Variants in FGGY observed in about 807,000 individuals in gnomAD.
FGGY encodes FGGY carbohydrate kinase domain-containing protein.
Under a neutral mutation model 71.3 loss-of-function variants are expected in FGGY, and 72 were observed. The observed-to-expected ratio is 1.01, with a 90% CI of 0.84 to 1.23. FGGY has a LOEUF of 1.23. FGGY is among the 50% of genes most tolerant of loss of function. The pLI is 0.00. For missense variants in FGGY, 668 were observed against 682.3 expected (o/e 0.98, Z 0.23); for synonymous variants, 251 against 250.3 (o/e 1.00, Z -0.02).
chr1:59,757,130 G>C (rs561725079), intron 14 of FGGY, among the ~76,000 whole-genome samples: 12 of 152,206 alleles, frequency 7.9e-5, no homozygotes, highest in African/African-American at 2.6e-4. Context: ...GTAGAGCTTT[G>C]TCGTGCTGTT....
intron 6 of FGGY, among the ~76,000 whole-genome samples, chr1:59,482,075 G>A (rs2093490879): frequency 6.6e-6 from 1 of 152,042 alleles, no homozygotes; most frequent in Non-Finnish European, 1.5e-5. Context: ...AGGAAGACAG[G>A]GTATCTAATA....
At chr1:59,625,651 C>A (rs560487243) in intron 9 of FGGY, among the ~76,000 whole-genome samples, 1 of 152,088 alleles carries the variant, frequency 6.6e-6, no homozygotes, top group Non-Finnish European at 1.5e-5. Flanking sequence ...GTGCTTTTAA[C>A]ACTCAGACCC....
chr1:59,348,491 G>A (rs957712161), intron 4 of FGGY, among the ~76,000 whole-genome samples: 2 of 152,178 alleles, frequency 1.3e-5, no homozygotes, highest in Non-Finnish European at 2.9e-5. Context: ...AGAGATGGAT[G>A]TGTGAGAAAG....
chr1:59,335,740 A>G (rs932742480), intron 2 of FGGY, among the ~76,000 whole-genome samples: 4 of 152,030 alleles, frequency 2.6e-5, no homozygotes, highest in African/African-American at 4.8e-5. Flanking sequence ...TTGTGATTTT[A>G]ATTTGCATTT....
At chr1:59,346,714 A>G (rs146087763) in intron 4 of FGGY, among the ~76,000 whole-genome samples, 3 of 152,302 alleles carry the variant, frequency 2.0e-5, no homozygotes, top group Admixed American at 1.3e-4. Context: ...ATGTTCATAG[A>G]GATAAAACAA....
At chr1:59,410,239 G>A (rs774709026) in intron 5 of FGGY, among the ~76,000 whole-genome samples, 76 of 152,224 alleles carry the variant, frequency 5.0e-4, no homozygotes, top group Non-Finnish European at 8.7e-4. Flanking sequence ...AACAAAGATA[G>A]TAACAACAAT....
chr1:59,333,823 C>T (rs2048946234), intron 2 of FGGY, among the ~76,000 whole-genome samples: 1 of 152,208 alleles, frequency 6.6e-6, no homozygotes, highest in African/African-American at 2.4e-5. Flanking sequence ...TTGGTCCTCA[C>T]ACTGTAAGTC....
At chr1:59,491,932 G>A (rs544248770) in intron 6 of FGGY, among the ~76,000 whole-genome samples, 8 of 152,154 alleles carry the variant, frequency 5.3e-5, no homozygotes, top group South Asian at 2.1e-4. Flanking sequence ...GACGCGTGTC[G>A]TTCTTATTGG....
Position 59,758,010 on chromosome 1 carries a change from A to G in FGGY, c.1574+18A>G. On this transcript the variant is annotated intron_variant, in intron 15 of 15. Coordinates refer to ENST00000303721, the MANE Select transcript of FGGY (RefSeq NM_018291.5). ...GATAAAAAGTAAGTGTGTATTTTTTATATGTACAGTGCTAAGGAAGTGAGC... is the reference window on the plus strand; with the variant it reads ...GATAAAAAGTAAGTGTGTATTTTTTGTATGTACAGTGCTAAGGAAGTGAGC... The G allele has an allele frequency of 6.3e-7, 1 of 1,582,540 alleles. No homozygotes were observed. The highest frequency in any genetic ancestry group is 8.7e-7 in the Non-Finnish European group (1 of 1,152,134).
rs1027711726 is a variant in FGGY at position 59,699,514 on chromosome 1, A to G, written c.1512+25381A>G. On this transcript the variant is annotated intron_variant, in intron 14 of 15. Transcript: ENST00000303721. ...CTCTTTTGCCATGGATAGAAAAAGT[A>G]TTTGTGGGTCATTGGGGCTGATGGA... 6 of 624,098 alleles carry G rather than the reference A, an allele frequency of 9.6e-6. No homozygotes were observed. In the African/African-American group the frequency reaches 1.0e-4, roughly 10 times the overall value. 38.7% of individuals were successfully genotyped at this position (624,098 alleles called of 1,614,324 possible). A position where few individuals can be genotyped will look rare whatever the true frequency, so the allele number is the denominator to read the frequency against.
chr1:59,743,388 G>GT (rs2098166737), intron 14 of FGGY, among the ~76,000 whole-genome samples: 1 of 152,128 alleles, frequency 6.6e-6, no homozygotes, highest in African/African-American at 2.4e-5. Context: ...GAGCTGTCTG[G>GT]TTGCCTCCTC....
intron 14 of FGGY, among the ~76,000 whole-genome samples, chr1:59,709,997 C>T (rs1315592485): frequency 6.6e-6 from 1 of 152,146 alleles, no homozygotes; most frequent in Non-Finnish European, 1.5e-5. Context: ...CACCTATGCT[C>T]ATCTTTATGA....
At chr1:59,648,471 G>A (rs1329617241) in intron 11 of FGGY, among the ~76,000 whole-genome samples, 4 of 128,028 alleles carry the variant, frequency 3.1e-5, no homozygotes, top group Non-Finnish European at 3.2e-5. Context: ...TCTCATTGTG[G>A]TTTTGATTTG....
chr1:59,479,346 T>C (rs191268288), intron 6 of FGGY, among the ~76,000 whole-genome samples: 1 of 152,134 alleles, frequency 6.6e-6, no homozygotes, highest in African/African-American at 2.4e-5. Context: ...TTCCACTGTT[T>C]GGTTGATTGA....
chr1:59,628,165 A>G (rs1018125006), intron 10 of FGGY, among the ~76,000 whole-genome samples: 2 of 152,202 alleles, frequency 1.3e-5, no homozygotes, highest in African/African-American at 4.8e-5. Context: ...CCAGTAGTAT[A>G]TAAGTATGGC....
chr1:59,385,335 T>C (rs2059951795), intron 5 of FGGY, among the ~76,000 whole-genome samples: 1 of 152,194 alleles, frequency 6.6e-6, no homozygotes, highest in Non-Finnish European at 1.5e-5. Flanking sequence ...CTTATATTAA[T>C]GAAAATAATT....
At chr1:59,375,493 T>C (rs1332767979) in intron 4 of FGGY, among the ~76,000 whole-genome samples, 2 of 152,168 alleles carry the variant, frequency 1.3e-5, no homozygotes, top group Non-Finnish European at 2.9e-5. Flanking sequence ...ACCTCAGACT[T>C]CCCACAACAT....
At chr1:59,376,569 A>C (rs1557724175) in intron 4 of FGGY, among the ~76,000 whole-genome samples, 1 of 152,230 alleles carries the variant, frequency 6.6e-6, no homozygotes, top group Non-Finnish European at 1.5e-5. Context: ...TAAGGAGATA[A>C]CACATGTGGA....
intron 7 of FGGY, among the ~76,000 whole-genome samples, chr1:59,517,248 G>A (rs1423031655): frequency 1.4e-5 from 2 of 139,018 alleles, no homozygotes; most frequent in East Asian, 2.2e-4. Flanking sequence ...TCTCTTCTCA[G>A]TTGCTCTTTT....
Sources: allele counts gnomAD v4.1 joint callset (sites outside exome capture counted in the v4.1 genomes callset), GRCh38; gene constraint gnomAD v4.1.1; transcripts MANE v1.5; gene names NCBI Gene and HGNC (gene_info 2026-07-23, HGNC 2026-07-21).